Variants in PRKD1 observed in about 807,000 individuals in gnomAD.
PRKD1 encodes serine/threonine-protein kinase D1.
Under a neutral mutation model 95.9 loss-of-function variants are expected in PRKD1, and 63 were observed. That is an observed-to-expected ratio of 0.66 (90% confidence interval 0.54 to 0.81). The LOEUF (loss-of-function observed/expected upper bound fraction) is 0.81. PRKD1 is among the 30% of genes least tolerant of loss of function. The probability of loss-of-function intolerance (pLI) is 0.00; values close to 1 mark genes in which losing one functional copy is unlikely to be tolerated. For missense variants in PRKD1, 1,048 were observed against 1,165.3 expected (o/e 0.90, Z 1.47); for synonymous variants, 425 against 423.1 (o/e 1.00, Z -0.05).
intron 1 of PRKD1, among the ~76,000 whole-genome samples, chr14:29,917,818 A>T (rs551651133): frequency 2.0e-5 from 3 of 152,332 alleles, no homozygotes; most frequent in African/African-American, 7.2e-5. Flanking sequence ...AACAAAATAA[A>T]ACATAACGCA....
chr14:29,709,340 C>G (rs1293936291), intron 2 of PRKD1, among the ~76,000 whole-genome samples: 1 of 152,076 alleles, frequency 6.6e-6, no homozygotes, highest in East Asian at 1.9e-4. Flanking sequence ...AATTTATAAG[C>G]TTTTAAATCC....
intron 1 of PRKD1, among the ~76,000 whole-genome samples, chr14:29,891,443 A>G (rs1893934280): frequency 6.6e-6 from 1 of 152,174 alleles, no homozygotes. Flanking sequence ...GCATGCACGC[A>G]TGCACTATGT....
At position 29,663,687 on chromosome 14, in the gene PRKD1, A is replaced by G. The variant is rs1474709102; in HGVS notation, c.696+12T>C. On this transcript the variant is annotated intron_variant, in intron 4 of 17. Transcript: ENST00000331968. ...CATGTAAATGGGGAAGTGGGTAAAC[A>G]GGAAGCCATACCAGAAGGGGCTCAT... The G allele has an allele frequency of 1.2e-6, 2 of 1,612,696 alleles. No individual in the cohort carries two copies. The highest frequency in any genetic ancestry group is 4.5e-5 in the East Asian group (2 of 44,832).
chr14:29,774,766 A>C (rs757884826), intron 1 of PRKD1, among the ~76,000 whole-genome samples: 4 of 152,214 alleles, frequency 2.6e-5, no homozygotes, highest in Non-Finnish European at 5.9e-5. Context: ...TCATGGTCAC[A>C]CAATCTAATA....
At chr14:29,776,012 G>A (rs567964348) in intron 1 of PRKD1, among the ~76,000 whole-genome samples, 7 of 152,226 alleles carry the variant, frequency 4.6e-5, no homozygotes, top group Admixed American at 2.0e-4. Context: ...TGCAGCCTCC[G>A]TTGGTGGTAC....
chr14:29,854,298 T>C (rs912294730), intron 1 of PRKD1, among the ~76,000 whole-genome samples: 5 of 152,178 alleles, frequency 3.3e-5, no homozygotes, highest in Non-Finnish European at 7.4e-5. Context: ...GATAGTGATA[T>C]GGACAATGAA....
At chr14:29,884,451 T>C (rs920793668) in intron 1 of PRKD1, among the ~76,000 whole-genome samples, 10 of 152,166 alleles carry the variant, frequency 6.6e-5, no homozygotes, top group Admixed American at 2.0e-4. Context: ...GGGATATAAA[T>C]TATTTTTTCT....
chr14:29,896,063 T>A (rs1344171083), intron 1 of PRKD1, among the ~76,000 whole-genome samples: 1 of 152,192 alleles, frequency 6.6e-6, no homozygotes, highest in Non-Finnish European at 1.5e-5. Flanking sequence ...TAGAATACCA[T>A]CTACTTTACA....
At chr14:29,583,871 T>C (rs1364450350) in intron 16 of PRKD1, among the ~76,000 whole-genome samples, 1 of 152,202 alleles carries the variant, frequency 6.6e-6, no homozygotes. Context: ...TTTGCTACAA[T>C]AAATTTTTGG....
intron 1 of PRKD1, among the ~76,000 whole-genome samples, chr14:29,850,008 A>G (rs1892242119): frequency 3.3e-5 from 5 of 152,192 alleles, no homozygotes; most frequent in Admixed American, 3.3e-4. Context: ...ACATCCCTTC[A>G]TGATGAAAAC....
intron 1 of PRKD1, among the ~76,000 whole-genome samples, chr14:29,876,464 A>G (rs748137738): frequency 3.3e-5 from 5 of 152,190 alleles, no homozygotes; most frequent in Non-Finnish European, 5.9e-5. Flanking sequence ...TAAAATCCAC[A>G]TAGCTTTACA....
intron 13 of PRKD1, among the ~76,000 whole-genome samples, chr14:29,601,219 C>G (rs1893505002): frequency 6.6e-6 from 1 of 152,170 alleles, no homozygotes; most frequent in Admixed American, 6.5e-5. Context: ...TGTCCTCTCA[C>G]TACCCATTTG....
intron 4 of PRKD1, among the ~76,000 whole-genome samples, chr14:29,648,675 C>A (rs1021887361): frequency 2.0e-4 from 30 of 151,212 alleles, no homozygotes; most frequent in African/African-American, 7.1e-4. Context: ...GTTTTTTTGA[C>A]AGGGAGTCTC....
intron 2 of PRKD1, among the ~76,000 whole-genome samples, chr14:29,696,080 A>C (rs1185063315): frequency 6.6e-6 from 1 of 152,242 alleles, no homozygotes. Context: ...AGATAAAGCA[A>C]TAACTAGCAT....
In PRKD1 at chr14:29,927,514, G is replaced by C; in HGVS notation, c.-2C>G. On this transcript the variant is annotated 5_prime_UTR_variant, in exon 1 of 18. Coordinates refer to ENST00000331968, the MANE Select transcript of PRKD1 (RefSeq NM_002742.3). ...CCGCAGGACCGGAGGGGCGCTCATC[G>C]CTCGGCGGGGCGCAGGGCCGGGCAG... 1.7e-6 allele frequency: 2 copies of C among 1,182,494 alleles called. No individual in the cohort carries two copies. The highest frequency in any genetic ancestry group is 7.6e-5 in the East Asian group (2 of 26,242). The allele number at this position is 1,182,494 out of a possible 1,614,324, so 73.3% of individuals were successfully genotyped here.
chr14:29,638,843 A>G lies in PRKD1; in HGVS notation c.758T>C (p.Ile253Thr), dbSNP rs1485536457. The G allele has an allele frequency of 7.5e-7, 1 of 1,327,596 alleles. No individual in the cohort carries two copies. The highest frequency in any genetic ancestry group is 1.0e-6 in the Non-Finnish European group (1 of 979,144). The allele number at this position is 1,327,596 out of a possible 1,614,324, so 82.2% of individuals were successfully genotyped here. Residue 253 changes from isoleucine to threonine, a missense_variant, in exon 5 of 18, where the codon ATT becomes ACT. Physicochemically the swap from Ile to Thr is moderately conservative, Grantham distance 89 (BLOSUM62 -1). Transcript: ENST00000331968. ...REKRSNSQSY[I>T]GRPIHLDKIL... ...CTTGTCAAGGTGAATTGGTCGTCCA[A>G]TGTATGATTGAGAATTTGACCTCTT...
At chr14:29,782,228 G>A (rs1889079268) in intron 1 of PRKD1, among the ~76,000 whole-genome samples, 1 of 152,124 alleles carries the variant, frequency 6.6e-6, no homozygotes, top group African/African-American at 2.4e-5. Flanking sequence ...ATGGTTTTCT[G>A]TGTCTTAGTC....
At chr14:29,909,882 T>C (rs1429667225) in intron 1 of PRKD1, among the ~76,000 whole-genome samples, 1 of 152,172 alleles carries the variant, frequency 6.6e-6, no homozygotes, top group Non-Finnish European at 1.5e-5. Flanking sequence ...GCTAATCTAG[T>C]GGGGACTGGG....
At chr14:29,858,715 G>C (rs985311086) in intron 1 of PRKD1, among the ~76,000 whole-genome samples, 5 of 151,786 alleles carry the variant, frequency 3.3e-5, no homozygotes, top group African/African-American at 9.7e-5. Context: ...GGCTTTCCCT[G>C]CTCTTTTTTA....
Sources: gnomAD v4.1 joint callset for allele counts (sites outside exome capture counted in the v4.1 genomes callset) on GRCh38, gnomAD v4.1.1 for gene constraint, MANE v1.5 for transcripts, NCBI Gene and HGNC (gene_info 2026-07-23, HGNC 2026-07-21) for gene names.